The following CRIM1 variants were observed in gnomAD, a reference collection of about 807,000 sequenced individuals.
CRIM1 encodes the protein cysteine rich transmembrane BMP regulator 1.
In CRIM1, 32 loss-of-function variants were observed where a neutral mutation model predicts 116.4. That is an observed-to-expected ratio of 0.27 (90% CI 0.21 to 0.37). The LOEUF is 0.37. CRIM1 is among the 10% of genes least tolerant of loss of function. CRIM1 has a pLI of 1.00. For synonymous variants in CRIM1, 590 were observed against 509.2 expected, an observed-to-expected ratio of 1.16 and a Z score of -2.13; for missense variants, 1,331 against 1,354.8, an observed-to-expected ratio of 0.98 and a Z score of 0.28.
intron 4 of CRIM1, among the ~76,000 whole-genome samples, chr2:36,464,004 CT>C (rs1246382466): frequency 6.6e-6 from 1 of 152,140 alleles, no homozygotes. Flanking sequence ...TGAGAGTGGA[CT>C]TAAGACAATC....
At chr2:36,362,467 G>C (rs949263203) in intron 1 of CRIM1, among the ~76,000 whole-genome samples, 24 of 152,166 alleles carry the variant, frequency 1.6e-4, no homozygotes, top group African/African-American at 5.8e-4. Context: ...TAATGCTTTA[G>C]TAGCTGTGCT....
At chr2:36,400,212 T>G (rs982864803) in intron 2 of CRIM1, among the ~76,000 whole-genome samples, 1 of 151,960 alleles carries the variant, frequency 6.6e-6, no homozygotes, top group Admixed American at 6.6e-5. Flanking sequence ...GAGGTTCTAG[T>G]GGGATTGAAG....
chr2:36,398,601 G>T (rs1672206084), intron 2 of CRIM1, among the ~76,000 whole-genome samples: 1 of 152,144 alleles, frequency 6.6e-6, no homozygotes, highest in Non-Finnish European at 1.5e-5. Flanking sequence ...GTATCTGATT[G>T]AATTTCTTTA....
In CRIM1 at chr2:36,547,060, C is replaced by G. The variant is rs150175123; in HGVS notation, c.2823C>G (p.Ala941=). The change falls in exon 16 of 17, where the codon GCC becomes GCG. Residue 941 remains alanine (A), a synonymous_variant. Transcript: ENST00000280527. ...PSEDSSLDSI[A]SVVVPIIICL... Reference sequence around the variant, plus strand: ...AAGATTCTTCACTGGACTCCATTGCCTCAGTTGTGGTTCCCATAATTATAT... The same window carrying G: ...AAGATTCTTCACTGGACTCCATTGCGTCAGTTGTGGTTCCCATAATTATAT... 6.2e-7 allele frequency: 1 copy of G among 1,612,068 alleles called. No homozygotes were observed. Among genetic ancestry groups the G allele is most frequent in the African/African-American group, 1.3e-5 (1 of 74,930 alleles).
At chr2:36,389,181 C>T (rs1572620715) in intron 1 of CRIM1, among the ~76,000 whole-genome samples, 1 of 152,202 alleles carries the variant, frequency 6.6e-6, no homozygotes, top group Admixed American at 6.5e-5. Context: ...TTTGCCCTTC[C>T]TGCTTTGCAC....
In CRIM1 at chr2:36,465,998, A is replaced by G. The variant is rs569300951; in HGVS notation, c.991+1343A>G. On this transcript the variant is annotated intron_variant, in intron 5 of 16. Transcript: ENST00000280527. ...CCTCCCAGGTTCACGCCATTCTCCT[A>G]CCTCAGCCTCCCAAGTAGCTGGGAC... 1.2e-3 allele frequency among the ~76,000 whole-genome samples: 188 copies of G among 150,712 alleles called. 1 individual carries two copies. Among genetic ancestry groups the G allele is most frequent in the Non-Finnish European group, 2.2e-3 (152 of 67,748 alleles).
intron 15 of CRIM1, among the ~76,000 whole-genome samples, chr2:36,544,975 CACCAGGTTT>C (rs1482945025): frequency 6.6e-6 from 1 of 152,190 alleles, no homozygotes; most frequent in African/African-American, 2.4e-5. Context: ...TTTTTCTAGT[CACCAGGTTT>C]ACTCCATGCC....
At chr2:36,504,729 T>G (rs1016492462) in intron 8 of CRIM1, among the ~76,000 whole-genome samples, 2 of 152,320 alleles carry the variant, frequency 1.3e-5, no homozygotes, top group African/African-American at 4.8e-5. Flanking sequence ...AGATACAAGC[T>G]TTTAACAACA....
chr2:36,410,031 C>T (rs957924762), intron 2 of CRIM1, among the ~76,000 whole-genome samples: 3 of 152,194 alleles, frequency 2.0e-5, no homozygotes, highest in African/African-American at 7.2e-5. Flanking sequence ...TACAGTGTGC[C>T]TTCCTGCTTT....
chr2:36,361,861 C>T (rs1208267167), intron 1 of CRIM1, among the ~76,000 whole-genome samples: 3 of 152,138 alleles, frequency 2.0e-5, no homozygotes, highest in Non-Finnish European at 4.4e-5. Context: ...CAGTAAAGCT[C>T]ATTTAATTAT....
intron 11 of CRIM1, 50 bp from the exon 12 acceptor site, chr2:36,517,277 T>C: frequency 6.7e-7 from 1 of 1,485,046 alleles, no homozygotes; most frequent in Non-Finnish European, 9.4e-7. Context: ...TTTCAAGAGT[T>C]GGAAAGATTG....
At chr2:36,461,795 G>A (rs1328683320) in intron 4 of CRIM1, among the ~76,000 whole-genome samples, 6 of 152,312 alleles carry the variant, frequency 3.9e-5, no homozygotes, top group African/African-American at 1.4e-4. Flanking sequence ...GTTGTATTAT[G>A]TTGAAAATAA....
At chr2:36,437,385 A>AG in intron 2 of CRIM1, among the ~76,000 whole-genome samples, 1 of 152,040 alleles carries the variant, frequency 6.6e-6, no homozygotes, top group African/African-American at 2.4e-5. Flanking sequence ...AAAAAAAAAA[A>AG]GAGTTAGTGT....
intron 2 of CRIM1, among the ~76,000 whole-genome samples, chr2:36,401,544 A>G (rs1202100960): frequency 1.3e-5 from 2 of 152,234 alleles, no homozygotes; most frequent in African/African-American, 4.8e-5. Context: ...TAGTAAAAGC[A>G]GTGCCAGCCT....
chr2:36,507,801 G>A (rs1681536166), intron 8 of CRIM1, among the ~76,000 whole-genome samples: 2 of 152,212 alleles, frequency 1.3e-5, no homozygotes, highest in African/African-American at 4.8e-5. Flanking sequence ...GCACATTCAA[G>A]ATCAAGGTCT....
intron 1 of CRIM1, among the ~76,000 whole-genome samples, chr2:36,359,010 C>G (rs1299086728): frequency 6.6e-6 from 1 of 152,172 alleles, no homozygotes; most frequent in Non-Finnish European, 1.5e-5. Flanking sequence ...CTTCAGATGT[C>G]AGCAGTTACC....
At chr2:36,453,432 G>A (rs1023898065) in intron 4 of CRIM1, among the ~76,000 whole-genome samples, 1 of 152,188 alleles carries the variant, frequency 6.6e-6, no homozygotes, top group Non-Finnish European at 1.5e-5. Flanking sequence ...TAATTCCTAA[G>A]ACATTAGATT....
chr2:36,515,544 C>T (rs545467888), intron 11 of CRIM1, among the ~76,000 whole-genome samples: 1 of 152,220 alleles, frequency 6.6e-6, no homozygotes, highest in African/African-American at 2.4e-5. Context: ...TTTCTCCCCT[C>T]TTCATTCCAA....
chr2:36,363,990 G>T (rs1175872750), intron 1 of CRIM1, among the ~76,000 whole-genome samples: 1 of 152,150 alleles, frequency 6.6e-6, no homozygotes, highest in Non-Finnish European at 1.5e-5. Context: ...ATATTCATGA[G>T]CATCGCCTAT....
Sources: gnomAD v4.1 joint callset for allele counts (sites outside exome capture counted in the v4.1 genomes callset) on GRCh38, gnomAD v4.1.1 for gene constraint, MANE v1.5 for transcripts, NCBI Gene and HGNC (gene_info 2026-07-23, HGNC 2026-07-21) for gene names.